Variants in APBB2 observed in about 807,000 individuals in gnomAD.
The protein encoded by APBB2 is amyloid beta precursor protein binding family B member 2, also known as Fe65-like 1.
Under a neutral mutation model 82.5 loss-of-function variants are expected in APBB2, and 38 were observed. The observed-to-expected ratio is 0.46, with a 90% CI of 0.36 to 0.60. The LOEUF (loss-of-function observed/expected upper bound fraction) is 0.60, where lower values mean the gene tolerates loss of function less well. Ranked by LOEUF, APBB2 falls within the 20% of genes least tolerant of loss-of-function variation. The pLI, the probability that APBB2 is intolerant of heterozygous loss-of-function variation, is 0.00. For synonymous variants in APBB2, 341 were observed against 368.2 expected (o/e 0.93, Z 0.85); for missense variants, 772 against 972.3 (o/e 0.79, Z 2.74).
intron 2 of APBB2, among the ~76,000 whole-genome samples, chr4:41,124,557 T>C (rs1396360832): frequency 6.6e-6 from 1 of 152,148 alleles, no homozygotes; most frequent in East Asian, 1.9e-4. Flanking sequence ...TCATGGGCCA[T>C]ATAAAAAAAA....
Position 40,944,892 on chromosome 4 carries a change from T to A in APBB2, c.1017A>T (p.Val339=), listed in dbSNP as rs367808855. Residue 339 remains valine (V), a synonymous_variant, in exon 7 of 18, where the codon GTA becomes GTT. Transcript: ENST00000508593. ...CGTTCTCTGGGGTGGGAGATGGCGT[T>A]ACAGAACTAAGTGACCCTTTCCTAG... is the stretch of plus-strand genomic sequence containing the variant. The part of the protein sequence containing the change: ...QGSRKGSLSS[V]TPSPTPENEK... 1.9e-5 allele frequency: 31 copies of A among 1,613,168 alleles called. No homozygotes were observed. In the Admixed American group the frequency reaches 3.8e-4, roughly 20 times the overall value.
Position 41,013,720 on chromosome 4 carries a change from T to C in APBB2, c.698A>G (p.Lys233Arg). ...VATVSSSPET[K>R]KDHPKTGAKT... is the part of the protein sequence containing the mutation. ...GGCCCCTGTTTTCGGATGATCCTTC[T>C]TGGTTTCTGGGCTGGATGACACTGT... Residue 233 changes from lysine to arginine, a missense_variant, in exon 6 of 18, where the codon AAG (lysine) becomes AGG (arginine). Physicochemically the swap from Lys to Arg is conservative, Grantham distance 26 (BLOSUM62 2). Transcript: ENST00000508593. 6.2e-7 allele frequency: 1 copy of C among 1,614,184 alleles called. No individual in the cohort carries two copies. The highest frequency in any genetic ancestry group is 1.3e-5 in the African/African-American group (1 of 75,058).
At chr4:41,061,119 C>A (rs548394825) in intron 4 of APBB2, among the ~76,000 whole-genome samples, 3 of 152,334 alleles carry the variant, frequency 2.0e-5, no homozygotes, top group Non-Finnish European at 4.4e-5. Context: ...GGCAAAGAGA[C>A]TGCAGGCCAA....
chr4:40,995,038 T>C (rs1803252786), intron 6 of APBB2, among the ~76,000 whole-genome samples: 1 of 151,896 alleles, frequency 6.6e-6, no homozygotes, highest in Non-Finnish European at 1.5e-5. Flanking sequence ...AGGTCCCAAG[T>C]AGCATCATCT....
intron 4 of APBB2, among the ~76,000 whole-genome samples, chr4:41,064,993 T>C (rs1011083968): frequency 4.6e-5 from 7 of 152,162 alleles, no homozygotes; most frequent in Non-Finnish European, 5.9e-5. Flanking sequence ...TGTAGAAGAA[T>C]AGATACATTA....
chr4:40,915,717 A>G (rs10938442), intron 10 of APBB2, among the ~76,000 whole-genome samples: 118,667 of 151,898 alleles, frequency 0.78, 46,877 homozygotes, highest in South Asian at 0.87. Flanking sequence ...CCCAGAGAGA[A>G]GATTTATGAA....
chr4:41,143,620 A>G (rs973089564), intron 1 of APBB2, among the ~76,000 whole-genome samples: 1 of 152,202 alleles, frequency 6.6e-6, no homozygotes, highest in Middle Eastern at 3.2e-3. Context: ...CAAATATAAA[A>G]CATTACAGGA....
chr4:40,921,982 T>C (rs1403837266), intron 10 of APBB2, among the ~76,000 whole-genome samples: 1 of 152,184 alleles, frequency 6.6e-6, no homozygotes, highest in African/African-American at 2.4e-5. Context: ...AAGGGACACA[T>C]ATCCTATTGG....
intron 6 of APBB2, among the ~76,000 whole-genome samples, chr4:40,995,384 T>A (rs1409291130): frequency 3.3e-5 from 5 of 152,042 alleles, no homozygotes; most frequent in African/African-American, 4.8e-5. Flanking sequence ...CAGAAATGGA[T>A]CTTTTTTTTG....
intron 4 of APBB2, among the ~76,000 whole-genome samples, chr4:41,045,408 C>T (rs1334466309): frequency 6.6e-6 from 1 of 152,174 alleles, no homozygotes; most frequent in Non-Finnish European, 1.5e-5. Flanking sequence ...ATTCTCCTGA[C>T]TCAGCCTACC....
At chr4:40,841,042 C>T (rs1755650630) in intron 12 of APBB2, among the ~76,000 whole-genome samples, 1 of 152,184 alleles carries the variant, frequency 6.6e-6, no homozygotes, top group South Asian at 2.1e-4. Context: ...GTCAGTGAAA[C>T]CTGCAAATTC....
At chr4:41,134,342 G>A (rs1406065417) in intron 2 of APBB2, among the ~76,000 whole-genome samples, 1 of 152,034 alleles carries the variant, frequency 6.6e-6, no homozygotes, top group Non-Finnish European at 1.5e-5. Context: ...CACTTTGGGA[G>A]GCCAAGGCGG....
At chr4:40,991,350 C>G (rs979142632) in intron 6 of APBB2, among the ~76,000 whole-genome samples, 9 of 151,602 alleles carry the variant, frequency 5.9e-5, no homozygotes, top group Non-Finnish European at 8.8e-5. Flanking sequence ...ATTTTGCTTC[C>G]TGGTATTGAT....
chr4:40,915,435 A>G (rs1779599003), intron 10 of APBB2, among the ~76,000 whole-genome samples: 1 of 152,162 alleles, frequency 6.6e-6, no homozygotes, highest in African/African-American at 2.4e-5. Flanking sequence ...TCAGCCCCGG[A>G]GCGCAGAGCC....
intron 1 of APBB2, among the ~76,000 whole-genome samples, chr4:41,162,417 G>T (rs1765411996): frequency 6.6e-6 from 1 of 150,852 alleles, no homozygotes; most frequent in East Asian, 2.0e-4. Flanking sequence ...TCAAAGTCTG[G>T]ATTTTGCTTT....
At chr4:40,853,819 C>G (rs1007252430) in intron 12 of APBB2, among the ~76,000 whole-genome samples, 2 of 152,174 alleles carry the variant, frequency 1.3e-5, no homozygotes, top group African/African-American at 4.8e-5. Context: ...TCAAGCCCAG[C>G]TCAAATGTTG....
At chr4:40,913,356 G>C (rs1779037086) in intron 10 of APBB2, among the ~76,000 whole-genome samples, 1 of 152,198 alleles carries the variant, frequency 6.6e-6, no homozygotes. Flanking sequence ...CCGTAAGCAT[G>C]CTCCCTAGGC....
intron 12 of APBB2, among the ~76,000 whole-genome samples, chr4:40,851,734 A>ATTT (rs1449264101): frequency 1.6e-5 from 1 of 61,028 alleles, no homozygotes; most frequent in African/African-American, 7.1e-5. Context: ...ATATATATAT[A>ATTT]TATATTTTTT....
At chr4:40,842,491 A>C (rs537865680) in intron 12 of APBB2, 22 of 383,166 alleles carry the variant, frequency 5.7e-5, no homozygotes, top group South Asian at 3.9e-4. Context: ...CAGCTCATCT[A>C]ATTTCCCAAC....
Sources: allele counts gnomAD v4.1 joint callset (sites outside exome capture counted in the v4.1 genomes callset), GRCh38; gene constraint gnomAD v4.1.1; transcripts MANE v1.5; gene names NCBI Gene and HGNC (gene_info 2026-07-23, HGNC 2026-07-21).